The following ME2 variants were observed in gnomAD, a reference collection of about 807,000 sequenced individuals.
ME2 encodes the protein NAD-dependent malic enzyme, mitochondrial.
Under a neutral mutation model 73.7 loss-of-function variants are expected in ME2, and 60 were observed. The ratio of observed to expected loss-of-function variants is 0.81; its 90% CI spans 0.66 to 1.01. The LOEUF (loss-of-function observed/expected upper bound fraction) is 1.01, where lower values mean the gene tolerates loss of function less well. ME2 is among the 50% of genes least tolerant of loss of function. The probability of loss-of-function intolerance (pLI) is 0.00; values close to 1 mark genes in which losing one functional copy is unlikely to be tolerated. For synonymous variants in ME2, 199 were observed against 236.9 expected (o/e 0.84, Z 1.47); for missense variants, 594 against 705.5 (o/e 0.84, Z 1.79).
chr18:50,896,414 G>A (rs1045358192), intron 2 of ME2, among the ~76,000 whole-genome samples: 1 of 152,120 alleles, frequency 6.6e-6, no homozygotes, highest in Non-Finnish European at 1.5e-5. Flanking sequence ...TAATTAGAAT[G>A]ATTAGATGAC....
intron 1 of ME2, among the ~76,000 whole-genome samples, chr18:50,884,940 C>T (rs1916420799): frequency 6.6e-6 from 1 of 151,852 alleles, no homozygotes; most frequent in African/African-American, 2.4e-5. Context: ...CTGCAGCCGC[C>T]GCCTCTCGGG....
chr18:50,880,429 A>T (rs1160662039), intron 1 of ME2, among the ~76,000 whole-genome samples: 2 of 152,202 alleles, frequency 1.3e-5, no homozygotes, highest in Non-Finnish European at 2.9e-5. Flanking sequence ...TGTTGTACCC[A>T]TAATTTTGAT....
intron 11 of ME2, among the ~76,000 whole-genome samples, chr18:50,924,478 C>A (rs572164569): frequency 8.5e-5 from 13 of 152,172 alleles, no homozygotes; most frequent in African/African-American, 2.9e-4. Flanking sequence ...ATGAAAAAAA[C>A]CAAAGCCATT....
At chr18:50,910,253 G>A (rs1434719954) in intron 3 of ME2, among the ~76,000 whole-genome samples, 1 of 143,386 alleles carries the variant, frequency 7.0e-6, no homozygotes, top group Non-Finnish European at 1.5e-5. Flanking sequence ...GCAACAGAGT[G>A]GGACCCTGTT....
chr18:50,925,111 A>G (rs927636184), intron 11 of ME2, among the ~76,000 whole-genome samples: 2 of 152,282 alleles, frequency 1.3e-5, no homozygotes, highest in African/African-American at 4.8e-5. Context: ...TTTATTTAGC[A>G]TAATGTCAAG....
chr18:50,928,740 T>G (rs1917623289), intron 12 of ME2, among the ~76,000 whole-genome samples: 1 of 152,188 alleles, frequency 6.6e-6, no homozygotes, highest in Admixed American at 6.5e-5. Flanking sequence ...CCTTTGGGTA[T>G]GAATCATCAA....
intron 13 of ME2, among the ~76,000 whole-genome samples, chr18:50,935,995 C>G (rs942370263): frequency 1.8e-4 from 28 of 151,506 alleles, no homozygotes; most frequent in African/African-American, 6.8e-4. Context: ...TTTTTTAGAA[C>G]TGGTGATTGA....
rs1917142552 is a variant in ME2, at chr18:50,910,940, C to T, written c.243-1861C>T. ...TGAAGCAGTCAAAGAGCTAGAGATC[C>T]CTCTGAAGGATGACGAAGTGAGGGC... is the stretch of plus-strand genomic sequence containing the variant. On this transcript the variant is annotated intron_variant, in intron 3 of 15. Transcript: ENST00000321341. 2.6e-5 allele frequency among the ~76,000 whole-genome samples: 4 copies of T among 152,116 alleles called. 1 individual carries two copies. The South Asian group carries it at 8.3e-4, about 32-fold the overall frequency.
At chr18:50,905,419 T>G (rs1271231691) in intron 2 of ME2, among the ~76,000 whole-genome samples, 3 of 152,230 alleles carry the variant, frequency 2.0e-5, no homozygotes, top group African/African-American at 7.2e-5. Flanking sequence ...TTCATTTTCA[T>G]TTATTGTACT....
At chr18:50,930,050 A>C (rs1917656902) in intron 12 of ME2, among the ~76,000 whole-genome samples, 1 of 152,184 alleles carries the variant, frequency 6.6e-6, no homozygotes, top group Admixed American at 6.5e-5. Context: ...GCTTGAGCCC[A>C]TGAGTTTGAG....
In ME2 at chr18:50,939,684, A is replaced by G. The variant is rs923703508; in HGVS notation, c.1488+44A>G. The G allele has an allele frequency of 2.3e-6, 3 of 1,306,036 alleles. No individual in the cohort carries two copies. In the African/African-American group the frequency reaches 4.4e-5, roughly 19 times the overall value. The allele number at this position is 1,306,036 out of a possible 1,614,324, so 80.9% of individuals were successfully genotyped here. ...GTTTATTTTATAAAGGATGAATTAT[A>G]AAGATGAGTAGATCTGAAAATTAAA... On this transcript the variant is annotated intron_variant, in intron 14 of 15. Transcript: ENST00000321341.
At chr18:50,882,864 G>C (rs564317360) in intron 1 of ME2, among the ~76,000 whole-genome samples, 1 of 152,006 alleles carries the variant, frequency 6.6e-6, no homozygotes, top group Non-Finnish European at 1.5e-5. Context: ...CAGGAGAATC[G>C]CTTGAACCTG....
chr18:50,944,939 C>A (rs945380522), intron 15 of ME2, among the ~76,000 whole-genome samples: 2 of 152,120 alleles, frequency 1.3e-5, no homozygotes, highest in Non-Finnish European at 2.9e-5. Context: ...GTTCAGCTCT[C>A]CAAGGTCGGA....
chr18:50,918,039 G>T, intron 6 of ME2, 71 bp from the exon 7 acceptor site: 1 of 938,452 alleles, frequency 1.1e-6, no homozygotes, highest in South Asian at 2.1e-5. Flanking sequence ...TTTTTATTTT[G>T]CAATTTTTAT....
At position 50,949,560 on chromosome 18, in the gene ME2, T is replaced by G. The variant is rs1358744562; in HGVS notation, c.*2376T>G. 6.6e-6 allele frequency: 1 copy of G among 152,218 alleles called. No individual in the cohort carries two copies. The highest frequency in any genetic ancestry group is 2.4e-5 in the African/African-American group (1 of 41,468). The allele number at this position is 152,218 out of a possible 1,614,324, so 9.4% of individuals were successfully genotyped here. A position where few individuals can be genotyped will look rare whatever the true frequency, so the allele number is the denominator to read the frequency against. ...CAAAATCACGCCTAAACATACTCTCTGTGTGAAATCTTGATTTTAGTTCAA... is the reference window on the plus strand; with the variant it reads ...CAAAATCACGCCTAAACATACTCTCGGTGTGAAATCTTGATTTTAGTTCAA... On this transcript the variant is annotated 3_prime_UTR_variant, in exon 16 of 16. Coordinates refer to ENST00000321341, the MANE Select transcript of ME2 (RefSeq NM_002396.5).
rs1422107999 is a variant in ME2 at position 50,947,571 on chromosome 18, T to G, written c.*387T>G. On this transcript the variant is annotated 3_prime_UTR_variant, in exon 16 of 16. Transcript: ENST00000321341. ...CAGAGCTACTAAAATAGAAATTTAC[T>G]TTTATGGATAGAAGTACAGAATTTT... 2 of 156,120 alleles carry G rather than the reference T, an allele frequency of 1.3e-5. No individual in the cohort carries two copies. The highest frequency in any genetic ancestry group is 4.8e-5 in the African/African-American group (2 of 41,616). 9.7% of individuals were successfully genotyped at this position (156,120 alleles called of 1,614,324 possible).
intron 13 of ME2, among the ~76,000 whole-genome samples, chr18:50,936,301 A>G (rs528461321): frequency 6.6e-6 from 1 of 152,324 alleles, no homozygotes; most frequent in South Asian, 2.1e-4. Flanking sequence ...CAAAATGAAG[A>G]CATTTTTCAG....
At chr18:50,916,951 G>GT (rs1015837123) in intron 5 of ME2, 45 of 153,198 alleles carry the variant, frequency 2.9e-4, no homozygotes, top group South Asian at 6.2e-4. Context: ...AGTTGCTAAG[G>GT]TTTTTTTTGT....
intron 2 of ME2, among the ~76,000 whole-genome samples, chr18:50,907,069 C>G (rs1287098742): frequency 1.3e-5 from 2 of 152,146 alleles, no homozygotes; most frequent in African/African-American, 4.8e-5. Flanking sequence ...AAATTATTGC[C>G]TCTGATTGTT....
Sources: allele counts gnomAD v4.1 joint callset (sites outside exome capture counted in the v4.1 genomes callset), GRCh38; gene constraint gnomAD v4.1.1; transcripts MANE v1.5; gene names NCBI Gene and HGNC (gene_info 2026-07-23, HGNC 2026-07-21).